MPZL1: variants seen among roughly 807,000 people sequenced by gnomAD.
The protein encoded by MPZL1 is myelin protein zero-like protein 1.
In MPZL1, 16 loss-of-function variants were observed where a neutral mutation model predicts 29.3. The ratio of observed to expected loss-of-function variants is 0.55; its 90% CI spans 0.37 to 0.83. The LOEUF (loss-of-function observed/expected upper bound fraction) is 0.83, where lower values mean the gene tolerates loss of function less well. Ranked by LOEUF, MPZL1 falls within the 40% of genes least tolerant of loss-of-function variation. MPZL1 has a pLI of 0.00. For missense variants in MPZL1, 279 were observed against 332.9 expected (o/e 0.84, Z 1.26); for synonymous variants, 143 against 132.0 (o/e 1.08, Z -0.57).
At chr1:167,735,871 A>AT (rs1170524694) in intron 1 of MPZL1, among the ~76,000 whole-genome samples, 1 of 152,238 alleles carries the variant, frequency 6.6e-6, no homozygotes, top group African/African-American at 2.4e-5. Context: ...ATTTTAAAAG[A>AT]TAAGCCATAG....
At chr1:167,731,430 G>C (rs986892016) in intron 1 of MPZL1, among the ~76,000 whole-genome samples, 1 of 147,172 alleles carries the variant, frequency 6.8e-6, no homozygotes, top group African/African-American at 2.5e-5. Flanking sequence ...GAGTAAAACT[G>C]TGTCTTTTTT....
At chr1:167,768,914 C>A (rs1661180437) in intron 2 of MPZL1, among the ~76,000 whole-genome samples, 1 of 152,166 alleles carries the variant, frequency 6.6e-6, no homozygotes, top group Non-Finnish European at 1.5e-5. Context: ...TGGAAGGATT[C>A]ATTTGCAAAG....
At chr1:167,778,568 A>ATG (rs1558125263) in intron 5 of MPZL1, among the ~76,000 whole-genome samples, 3 of 125,692 alleles carry the variant, frequency 2.4e-5, no homozygotes, top group African/African-American at 6.2e-5. Context: ...ATGGATGGAT[A>ATG]GATTTAAAAA....
At chr1:167,763,157 A>G (rs868718822) in intron 1 of MPZL1, among the ~76,000 whole-genome samples, 2 of 152,198 alleles carry the variant, frequency 1.3e-5, no homozygotes, top group African/African-American at 4.8e-5. Flanking sequence ...TTCCATCTTT[A>G]AATAATGTCT....
intron 1 of MPZL1, among the ~76,000 whole-genome samples, chr1:167,728,793 T>C (rs893837821): frequency 6.6e-6 from 1 of 152,220 alleles, no homozygotes; most frequent in East Asian, 1.9e-4. Context: ...TGTCTTTGCC[T>C]ATCCTGTGTA....
intron 1 of MPZL1, among the ~76,000 whole-genome samples, chr1:167,756,498 C>G (rs1327937128): frequency 4.0e-5 from 5 of 123,896 alleles, no homozygotes; most frequent in Non-Finnish European, 8.0e-5. Flanking sequence ...TGGGGTGATT[C>G]TCTCACACAG....
intron 1 of MPZL1, among the ~76,000 whole-genome samples, chr1:167,726,838 A>G (rs1320440013): frequency 6.6e-6 from 1 of 152,226 alleles, no homozygotes; most frequent in African/African-American, 2.4e-5. Context: ...CATTAAGTCT[A>G]ATTTATTTAC....
intron 1 of MPZL1, among the ~76,000 whole-genome samples, chr1:167,762,203 A>AGAG (rs796711499): frequency 2.0e-5 from 3 of 152,290 alleles, no homozygotes; most frequent in African/African-American, 7.2e-5. Flanking sequence ...GTCATCTAGT[A>AGAG]GAGGCCAGGG....
chr1:167,782,149 C>T (rs539715596), intron 5 of MPZL1, among the ~76,000 whole-genome samples: 1 of 152,008 alleles, frequency 6.6e-6, no homozygotes, highest in Admixed American at 6.5e-5. Flanking sequence ...ACTGTTTAGC[C>T]CCTTTTAAAA....
intron 2 of MPZL1, among the ~76,000 whole-genome samples, chr1:167,766,090 A>G (rs1012807762): frequency 1.5e-4 from 23 of 152,014 alleles, no homozygotes; most frequent in Admixed American, 1.3e-4. Flanking sequence ...ATCAAATTTT[A>G]TATATATATG....
chr1:167,778,523 A>ATGGAT (rs1661418594), intron 5 of MPZL1, among the ~76,000 whole-genome samples: 2 of 147,236 alleles, frequency 1.4e-5, no homozygotes, highest in African/African-American at 2.5e-5. Context: ...GAAGGAAGGA[A>ATGGAT]GGATGGATGG....
intron 1 of MPZL1, among the ~76,000 whole-genome samples, chr1:167,746,110 C>T (rs975133969): frequency 3.3e-5 from 5 of 151,736 alleles, no homozygotes; most frequent in Admixed American, 3.3e-4. Context: ...ATGATTAGAC[C>T]ACGAGTTAGG....
intron 4 of MPZL1, chr1:167,773,635 G>T: frequency 3.4e-6 from 1 of 298,412 alleles, no homozygotes; most frequent in Non-Finnish European, 6.2e-6. Context: ...TGTGCTCTGT[G>T]TTTCAATACC....
chr1:167,778,276 A>C (rs1661413270), intron 5 of MPZL1, among the ~76,000 whole-genome samples: 1 of 151,468 alleles, frequency 6.6e-6, no homozygotes, highest in South Asian at 2.1e-4. Context: ...AGCCGAGATC[A>C]CACCACTGGC....
chr1:167,782,264 A>G (rs1661512158), intron 5 of MPZL1, among the ~76,000 whole-genome samples: 1 of 152,070 alleles, frequency 6.6e-6, no homozygotes, highest in Non-Finnish European at 1.5e-5. Context: ...ATAACTTCAT[A>G]TTTTCAACTA....
At chr1:167,723,375 G>A (rs1660079889) in intron 1 of MPZL1, among the ~76,000 whole-genome samples, 1 of 152,220 alleles carries the variant, frequency 6.6e-6, no homozygotes, top group African/African-American at 2.4e-5. Context: ...CTTAAACAGT[G>A]ATTCCAGGGG....
At chr1:167,766,768 C>G (rs1338358161) in intron 2 of MPZL1, among the ~76,000 whole-genome samples, 1 of 152,140 alleles carries the variant, frequency 6.6e-6, no homozygotes, top group African/African-American at 2.4e-5. Context: ...GAGACACTGA[C>G]TCAAGAGTTA....
intron 1 of MPZL1, 129 bp downstream of exon 1, chr1:167,722,371 C>G (rs1337214172): frequency 1.6e-6 from 2 of 1,221,838 alleles, no homozygotes; most frequent in Admixed American, 8.5e-5. Flanking sequence ...GCGGCCTGCG[C>G]TCTCTGGGGC....
rs1027358049 is a variant in MPZL1, at chr1:167,772,494, T to A, written c.472+6T>A. On this transcript the variant is annotated splice_donor_region_variant and intron_variant, in intron 3 of 5. Coordinates refer to ENST00000359523, the MANE Select transcript of MPZL1 (RefSeq NM_003953.6). Reference sequence around the variant, plus strand: ...GCTCTATGTCGTAGAAAAAGGTACTTCCTTGAGTATTTTGGCAGTAATAAT... The same window carrying A: ...GCTCTATGTCGTAGAAAAAGGTACTACCTTGAGTATTTTGGCAGTAATAAT... The A allele has an allele frequency of 5.6e-6, 9 of 1,606,764 alleles. No individual in the cohort carries two copies. Among genetic ancestry groups the A allele is most frequent in the Non-Finnish European group, 7.7e-6 (9 of 1,174,866 alleles).
Sources: allele counts gnomAD v4.1 joint callset (sites outside exome capture counted in the v4.1 genomes callset), GRCh38; gene constraint gnomAD v4.1.1; transcripts MANE v1.5; gene names NCBI Gene and HGNC (gene_info 2026-07-23, HGNC 2026-07-21).